Variants in YIPF1 observed in about 807,000 individuals in gnomAD.
YIPF1 encodes Yip1 domain family member 1.
YIPF1 carries 22 observed loss-of-function variants against 37.0 expected under a neutral mutation model. That is an observed-to-expected ratio of 0.59 (90% CI 0.42 to 0.85). YIPF1 has a LOEUF of 0.85. YIPF1 is among the 40% of genes least tolerant of loss of function. The pLI, the probability that YIPF1 is intolerant of heterozygous loss-of-function variation, is 0.00. For synonymous variants in YIPF1, 128 were observed against 131.9 expected (o/e 0.97, Z 0.21); for missense variants, 355 against 373.1 (o/e 0.95, Z 0.40).
chr1:53,855,290 G>A (rs1222750862), intron 10 of YIPF1, among the ~76,000 whole-genome samples: 1 of 151,734 alleles, frequency 6.6e-6, no homozygotes, highest in Non-Finnish European at 1.5e-5. Context: ...ACTGCCCCTG[G>A]AAAGCTCACC....
At chr1:53,878,761 A>C in intron 4 of YIPF1, 39 bp from the exon 5 acceptor site, 1 of 1,566,860 alleles carries the variant, frequency 6.4e-7, no homozygotes, top group Non-Finnish European at 8.6e-7. Flanking sequence ...ACACATAAGC[A>C]ATTTCTTAAT....
At chr1:53,887,867 A>C (rs1226373708) in intron 3 of YIPF1, among the ~76,000 whole-genome samples, 1 of 152,210 alleles carries the variant, frequency 6.6e-6, no homozygotes, top group Non-Finnish European at 1.5e-5. Flanking sequence ...AGTTGACATA[A>C]GGATTATCTG....
At chr1:53,866,159 G>C (rs1435138640) in intron 9 of YIPF1, 41 bp downstream of exon 9, 2 of 1,595,150 alleles carry the variant, frequency 1.3e-6, no homozygotes, top group Non-Finnish European at 1.7e-6. Flanking sequence ...TTAGCATTTG[G>C]ATATAAAACA....
At chr1:53,888,865 AC>A in intron 3 of YIPF1, 41 bp downstream of exon 3, 3 of 1,539,102 alleles carry the variant, frequency 1.9e-6, no homozygotes, top group Non-Finnish European at 2.7e-6. Context: ...GACTGTAGCA[AC>A]AGTGATCATA....
At chr1:53,871,278 A>G in intron 7 of YIPF1, 94 bp downstream of exon 7, 1 of 1,038,218 alleles carries the variant, frequency 9.6e-7, no homozygotes, top group Non-Finnish European at 1.5e-6. Flanking sequence ...GCAGGGCTGC[A>G]GCATCTAGAG....
intron 9 of YIPF1, among the ~76,000 whole-genome samples, chr1:53,864,606 T>C (rs2100725134): frequency 6.6e-6 from 1 of 152,340 alleles, no homozygotes; most frequent in Middle Eastern, 3.4e-3. Flanking sequence ...ACTCCTAAAA[T>C]TGCAAAACCT....
rs779216823 is a variant in YIPF1 at position 53,866,760 on chromosome 1, C to T, written c.646G>A (p.Ala216Thr). 31 of 1,611,696 alleles carry T rather than the reference C, an allele frequency of 1.9e-5. No homozygotes were observed. The highest frequency in any genetic ancestry group is 1.7e-4 in the Middle Eastern group (1 of 6,056). The change falls in exon 8 of 11, where the codon GCA (alanine) becomes ACA (threonine). Residue 216 changes from alanine (A) to threonine (T), a missense_variant and splice_region_variant. Ala to Thr is a moderately conservative substitution (Grantham distance 58). Transcript: ENST00000072644. ...GYSLFIYIPTAILWIIPQKAV... is the reference protein window; with the variant it reads ...GYSLFIYIPTTILWIIPQKAV... ...TACTCCCTAAGTATGGTACTTACTG[C>T]GGTGGGGATATAAATGAAGAGGGAA...
chr1:53,874,532 T>C (rs1569634696), intron 6 of YIPF1, among the ~76,000 whole-genome samples: 1 of 152,138 alleles, frequency 6.6e-6, no homozygotes, highest in Non-Finnish European at 1.5e-5. Flanking sequence ...TTTGGGAGGC[T>C]GAGGCAGGCA....
chr1:53,874,959 T>C (rs1247964511), intron 6 of YIPF1, among the ~76,000 whole-genome samples: 1 of 152,178 alleles, frequency 6.6e-6, no homozygotes, highest in African/African-American at 2.4e-5. Context: ...ATCTTGGTTG[T>C]TTCTAAATAT....
At chr1:53,861,430 C>A (rs891872766) in intron 9 of YIPF1, among the ~76,000 whole-genome samples, 1 of 152,144 alleles carries the variant, frequency 6.6e-6, no homozygotes, top group Non-Finnish European at 1.5e-5. Flanking sequence ...CAAAGAGGCC[C>A]AGCTTCTACA....
chr1:53,861,002 T>C (rs1649856882), intron 9 of YIPF1, among the ~76,000 whole-genome samples: 1 of 152,168 alleles, frequency 6.6e-6, no homozygotes, highest in African/African-American at 2.4e-5. Context: ...GTCAGTGCCC[T>C]TAGGAAGGTA....
chr1:53,886,549 T>TGACCCACCCCCCGCCACCCCACCCC (rs1650657537), intron 3 of YIPF1: 1 of 150,854 alleles, frequency 6.6e-6, no homozygotes, highest in Non-Finnish European at 1.5e-5. Flanking sequence ...AAGCCTTTCA[T>TGACCCACCCCCCGCCACCCCACCCC]GACCCACCCC....
At chr1:53,876,950 G>A (rs552281182) in intron 6 of YIPF1, among the ~76,000 whole-genome samples, 1 of 152,256 alleles carries the variant, frequency 6.6e-6, no homozygotes, top group Admixed American at 6.5e-5. Context: ...AAATAAAATA[G>A]CATAAAATAC....
chr1:53,857,997 A>T (rs1476196916), intron 10 of YIPF1, among the ~76,000 whole-genome samples: 1 of 151,934 alleles, frequency 6.6e-6, no homozygotes, highest in African/African-American at 2.4e-5. Flanking sequence ...AAAAAAAAAA[A>T]AAAGTGTTTT....
chr1:53,876,731 G>A (rs1278002150), intron 6 of YIPF1, among the ~76,000 whole-genome samples: 1 of 152,062 alleles, frequency 6.6e-6, no homozygotes, highest in African/African-American at 2.4e-5. Flanking sequence ...TATAAAATGG[G>A]GATAATAATA....
rs575770457 is a variant in YIPF1 at position 53,866,127 on chromosome 1, G to C, written c.831+73C>G. ...TGGACTCAATTTTAAAAGAACTGTTGTGTCTAACAGTTTGAGGTCTTTTAG... is the reference window on the plus strand; with the variant it reads ...TGGACTCAATTTTAAAAGAACTGTTCTGTCTAACAGTTTGAGGTCTTTTAG... On this transcript the variant is annotated intron_variant, in intron 9 of 10. Coordinates refer to ENST00000072644, the MANE Select transcript of YIPF1 (RefSeq NM_018982.5). 1.2e-5 allele frequency: 18 copies of C among 1,525,074 alleles called. No individual in the cohort carries two copies. The African/African-American group carries it at 2.3e-4, about 20-fold the overall frequency. The allele number at this position is 1,525,074 out of a possible 1,614,324, so 94.5% of individuals were successfully genotyped here.
intron 9 of YIPF1, among the ~76,000 whole-genome samples, chr1:53,862,357 G>A (rs1431755193): frequency 6.6e-6 from 1 of 152,086 alleles, no homozygotes; most frequent in Admixed American, 6.6e-5. Context: ...TGTCCGGTCC[G>A]GATCTAGGCA....
chr1:53,884,238 A>AAAAAAAAG (rs1650580379), intron 3 of YIPF1, among the ~76,000 whole-genome samples: 1 of 151,198 alleles, frequency 6.6e-6, no homozygotes, highest in African/African-American at 2.4e-5. Context: ...TTGTCTCAAA[A>AAAAAAAAG]AAAAAAAAAA....
intron 3 of YIPF1, among the ~76,000 whole-genome samples, chr1:53,887,993 CA>C (rs1569664266): frequency 6.6e-6 from 1 of 152,150 alleles, no homozygotes; most frequent in Non-Finnish European, 1.5e-5. Flanking sequence ...TTTGGAAGGC[CA>C]AGATGGGTGG....
Sources: allele counts gnomAD v4.1 joint callset (sites outside exome capture counted in the v4.1 genomes callset), GRCh38; gene constraint gnomAD v4.1.1; transcripts MANE v1.5; gene names NCBI Gene and HGNC (gene_info 2026-07-23, HGNC 2026-07-21).